Variants in FAM98A observed in about 807,000 individuals in gnomAD.
The protein encoded by FAM98A is tRNA splicing ligase complex subunit 3A, also known as protein FAM98A.
Under a neutral mutation model 62.9 loss-of-function variants are expected in FAM98A, and 25 were observed. That is an observed-to-expected ratio of 0.40 (90% CI 0.29 to 0.56). FAM98A has a LOEUF of 0.56. Among genes scored for constraint, FAM98A ranks in the 20% least tolerant of loss-of-function variants. The probability of loss-of-function intolerance (pLI) is 0.51; values close to 1 mark genes in which losing one functional copy is unlikely to be tolerated. For missense variants in FAM98A, 653 were observed against 640.7 expected, an observed-to-expected ratio of 1.02 and a Z score of -0.21; for synonymous variants, 252 against 228.6, an observed-to-expected ratio of 1.10 and a Z score of -0.92.
chr2:33,587,472 G>A, intron 4 of FAM98A, 152 bp from the exon 5 acceptor site: 1 of 640,046 alleles, frequency 1.6e-6, no homozygotes, highest in Non-Finnish European at 2.8e-6. Context: ...AGACCCACAA[G>A]ATAAAGACAC....
Position 33,595,538 on chromosome 2 carries a change from A to G in FAM98A, c.153T>C (p.Ser51=), listed in dbSNP as rs1362749466. The G allele has an allele frequency of 6.2e-7, 1 of 1,610,390 alleles. No individual in the cohort carries two copies. The highest frequency in any genetic ancestry group is 1.7e-5 in the Admixed American group (1 of 59,196). ...EFTKLCAWLV[S]ELRVLCKLEE... ...CTAGTTTACAGAGCACTCTTAATTC[A>G]GACACCAGCCAAGCACAGAGTTTGG... The change falls in exon 2 of 8, where the codon TCT becomes TCC. Residue 51 remains serine, a synonymous_variant. Coordinates refer to ENST00000238823, the MANE Select transcript of FAM98A (RefSeq NM_015475.5).
intron 5 of FAM98A, 37 bp from the exon 6 acceptor site, chr2:33,586,715 T>A (rs1193218816): frequency 7.4e-7 from 1 of 1,342,742 alleles, no homozygotes; most frequent in African/African-American, 1.4e-5. Flanking sequence ...AGAGTTTAAA[T>A]CTGCTTGATT....
chr2:33,591,195 C>CTTT (rs201236299), intron 3 of FAM98A, among the ~76,000 whole-genome samples: 4 of 147,056 alleles, frequency 2.7e-5, no homozygotes, highest in Admixed American at 6.8e-5. Context: ...GCTATGAACA[C>CTTT]TTTTTTTTTT....
intron 1 of FAM98A, 70 bp from the exon 2 acceptor site, chr2:33,595,707 C>T (rs1181142206): frequency 9.1e-7 from 1 of 1,094,216 alleles, no homozygotes; most frequent in Non-Finnish European, 1.3e-6. Flanking sequence ...TAAAACATAT[C>T]TATGTCTTAT....
intron 3 of FAM98A, chr2:33,588,770 G>C (rs73928929): frequency 3.9e-6 from 1 of 256,320 alleles, no homozygotes; most frequent in East Asian, 7.2e-5. Flanking sequence ...TGAAACCGAA[G>C]GATCGAGGTA....
chr2:33,583,789 T>G lies in FAM98A; in HGVS notation c.*987A>C, dbSNP rs758052567. 1.0e-4 allele frequency: 16 copies of G among 152,636 alleles called. No individual in the cohort carries two copies. Among genetic ancestry groups the G allele is most frequent in the Non-Finnish European group, 1.8e-4 (12 of 68,036 alleles). The allele number at this position is 152,636 out of a possible 1,614,324, so 9.5% of individuals were successfully genotyped here. A position where few individuals can be genotyped will look rare whatever the true frequency, so the allele number is the denominator to read the frequency against. On this transcript the variant is annotated 3_prime_UTR_variant, in exon 8 of 8. Coordinates refer to ENST00000238823, the MANE Select transcript of FAM98A (RefSeq NM_015475.5). ...AAGCATCATGTCATGTAGATTTCAG[T>G]AAGGGAGAATGTAAAACATCAACTC...
intron 2 of FAM98A, among the ~76,000 whole-genome samples, chr2:33,593,823 C>T (rs1024050997): frequency 1.3e-5 from 2 of 152,166 alleles, no homozygotes; most frequent in African/African-American, 2.4e-5. Context: ...GTTAGAATAC[C>T]TTCTAACCTG....
Sources: gnomAD v4.1 joint callset for allele counts (sites outside exome capture counted in the v4.1 genomes callset) on GRCh38, gnomAD v4.1.1 for gene constraint, MANE v1.5 for transcripts, NCBI Gene and HGNC (gene_info 2026-07-23, HGNC 2026-07-21) for gene names.